STPG2: variants seen among roughly 807,000 people sequenced by gnomAD.
STPG2 encodes sperm tail PG-rich repeat containing 2.
In STPG2, 56 loss-of-function variants were observed where a neutral mutation model predicts 54.2. The observed-to-expected ratio is 1.03, with a 90% confidence interval of 0.83 to 1.29. The LOEUF (loss-of-function observed/expected upper bound fraction) is 1.29. STPG2 is among the 50% of genes most tolerant of loss of function. The pLI, the probability that STPG2 is intolerant of heterozygous loss-of-function variation, is 0.00. For synonymous variants in STPG2, 200 were observed against 181.8 expected (o/e 1.10, Z -0.81); for missense variants, 596 against 544.9 (o/e 1.09, Z -0.93).
At chr4:98,111,006 G>A (rs1382744947) in intron 3 of STPG2, among the ~76,000 whole-genome samples, 1 of 152,098 alleles carries the variant, frequency 6.6e-6, no homozygotes, top group Non-Finnish European at 1.5e-5. Flanking sequence ...ACAAGTAAGT[G>A]CTAGAAACTT....
intron 4 of STPG2, among the ~76,000 whole-genome samples, chr4:97,526,216 CAG>C (rs1378990286): frequency 6.6e-6 from 1 of 151,906 alleles, no homozygotes; most frequent in East Asian, 1.9e-4. Context: ...GGAGTTGAAA[CAG>C]AGCACAATTC....
chr4:97,843,490 C>G (rs907170234), intron 8 of STPG2, among the ~76,000 whole-genome samples: 2 of 151,878 alleles, frequency 1.3e-5, no homozygotes, highest in African/African-American at 4.8e-5. Context: ...TAAGGAGTAG[C>G]AGTGTTGGCT....
intron 8 of STPG2, among the ~76,000 whole-genome samples, chr4:97,936,023 G>C (rs190336601): frequency 6.6e-6 from 1 of 152,046 alleles, no homozygotes; most frequent in South Asian, 2.1e-4. Context: ...AAGTCTCTTC[G>C]TAGGTCTCTA....
chr4:97,619,263 A>T (rs1251317945), intron 10 of STPG2, among the ~76,000 whole-genome samples: 1 of 151,802 alleles, frequency 6.6e-6, no homozygotes, highest in African/African-American at 2.4e-5. Context: ...GTATATCTAT[A>T]TGTGTATTTA....
At chr4:97,513,463 A>C (rs182427495) in intron 4 of STPG2, among the ~76,000 whole-genome samples, 1 of 152,146 alleles carries the variant, frequency 6.6e-6, no homozygotes, top group African/African-American at 2.4e-5. Context: ...CTAATCATGC[A>C]TTGGTCTTTC....
chr4:97,932,020 C>T (rs763229567), intron 8 of STPG2, among the ~76,000 whole-genome samples: 1 of 151,878 alleles, frequency 6.6e-6, no homozygotes, highest in South Asian at 2.1e-4. Flanking sequence ...AGGTTTTGTA[C>T]TTTGTGTGTA....
chr4:98,073,797 T>C (rs1338705215), intron 5 of STPG2, among the ~76,000 whole-genome samples: 1 of 152,162 alleles, frequency 6.6e-6, no homozygotes, highest in Non-Finnish European at 1.5e-5. Context: ...GCACTGCATA[T>C]TTTAAAGCAT....
intron 5 of STPG2, among the ~76,000 whole-genome samples, chr4:98,024,734 T>G (rs1381777384): frequency 6.6e-6 from 1 of 152,212 alleles, no homozygotes; most frequent in Non-Finnish European, 1.5e-5. Flanking sequence ...ATGACAGAAT[T>G]TTACTTTCAC....
At chr4:97,860,224 C>G (rs765310246) in intron 8 of STPG2, among the ~76,000 whole-genome samples, 4 of 151,686 alleles carry the variant, frequency 2.6e-5, no homozygotes, top group Non-Finnish European at 5.9e-5. Flanking sequence ...TTTTTTTGTT[C>G]CATATGAATT....
At position 98,021,664 on chromosome 4, in the gene STPG2, A is replaced by T. The variant is rs574165056; in HGVS notation, c.613-40346T>A. On this transcript the variant is annotated intron_variant, in intron 5 of 10. Coordinates refer to ENST00000295268, the MANE Select transcript of STPG2 (RefSeq NM_174952.3). Reference sequence around the variant, plus strand: ...TGTGTGGGAGTCTAAGTCTCTTTGTAGGTCACTCAGGACTTGCTTTATGAA... The same window carrying T: ...TGTGTGGGAGTCTAAGTCTCTTTGTTGGTCACTCAGGACTTGCTTTATGAA... Among the ~76,000 whole-genome samples the T allele has an allele frequency of 2.0e-5, 3 of 151,998 alleles. No homozygotes were observed. In the South Asian group the frequency reaches 6.3e-4, roughly 32 times the overall value.
chr4:97,895,188 CA>C (rs534868400), intron 8 of STPG2, among the ~76,000 whole-genome samples: 296 of 151,820 alleles, frequency 1.9e-3, no homozygotes, highest in African/African-American at 7.0e-3. Flanking sequence ...AGAAATCTAC[CA>C]TTGTGCCAGA....
chr4:97,763,560 CA>C (rs1725951692), intron 9 of STPG2, among the ~76,000 whole-genome samples: 1 of 152,020 alleles, frequency 6.6e-6, no homozygotes, highest in South Asian at 2.1e-4. Flanking sequence ...CCAAATATTC[CA>C]GTTTGGCCAG....
At chr4:97,815,054 C>T (rs1208426684) in intron 9 of STPG2, among the ~76,000 whole-genome samples, 5 of 152,122 alleles carry the variant, frequency 3.3e-5, no homozygotes, top group South Asian at 4.1e-4. Flanking sequence ...GGACTACCAA[C>T]GTCCTGCACT....
rs751916261 is a variant in STPG2 at position 97,731,544 on chromosome 4, T to C, written c.1205-18730A>G. 5.9e-5 allele frequency among the ~76,000 whole-genome samples: 9 copies of C among 152,210 alleles called. No individual in the cohort carries two copies. In the Middle Eastern group the frequency reaches 0.01, roughly 173 times the overall value. On this transcript the variant is annotated intron_variant, in intron 9 of 10. Transcript: ENST00000295268. ...GGAAGCTCATGCTTCCCCAACCAGG[T>C]CTCCTTCCGGTGTCTGCCCCAGAAG... is the stretch of plus-strand genomic sequence containing the variant.
At chr4:97,858,071 T>C (rs2149137366) in intron 8 of STPG2, among the ~76,000 whole-genome samples, 1 of 152,046 alleles carries the variant, frequency 6.6e-6, no homozygotes, top group East Asian at 1.9e-4. Flanking sequence ...AACGGGCAAA[T>C]CTAAGAGTTA....
At chr4:98,026,876 G>C (rs1013080648) in intron 5 of STPG2, among the ~76,000 whole-genome samples, 1 of 152,090 alleles carries the variant, frequency 6.6e-6, no homozygotes, top group Non-Finnish European at 1.5e-5. Context: ...TTTTAGTATA[G>C]AGTCTAGTTT....
chr4:97,973,553 G>A (rs751900860), intron 6 of STPG2, among the ~76,000 whole-genome samples: 2 of 152,212 alleles, frequency 1.3e-5, no homozygotes, highest in Admixed American at 1.3e-4. Flanking sequence ...TAATCCCCAA[G>A]ACAATGGGAA....
At chr4:98,024,988 A>G (rs1171502563) in intron 5 of STPG2, among the ~76,000 whole-genome samples, 1 of 152,240 alleles carries the variant, frequency 6.6e-6, no homozygotes, top group Admixed American at 6.5e-5. Flanking sequence ...TTGCTATATC[A>G]TGGTCATAAA....
chr4:97,911,863 C>G (rs1420030529), intron 8 of STPG2, among the ~76,000 whole-genome samples: 1 of 152,044 alleles, frequency 6.6e-6, no homozygotes, highest in East Asian at 1.9e-4. Context: ...TAAGCAGGTC[C>G]CTAATCCCGT....
Sources: gnomAD v4.1 joint callset for allele counts (sites outside exome capture counted in the v4.1 genomes callset) on GRCh38, gnomAD v4.1.1 for gene constraint, MANE v1.5 for transcripts, NCBI Gene and HGNC (gene_info 2026-07-23, HGNC 2026-07-21) for gene names.